PADI6: variants seen among roughly 807,000 people sequenced by gnomAD.
PADI6 encodes the protein peptidyl arginine deiminase 6.
In PADI6, 66 loss-of-function variants were observed where a neutral mutation model predicts 78.2. That is an observed-to-expected ratio of 0.84 (90% CI 0.69 to 1.04). PADI6 has a LOEUF of 1.04. PADI6 is among the 50% of genes least tolerant of loss of function. The probability of loss-of-function intolerance (pLI) is 0.00; values close to 1 mark genes in which losing one functional copy is unlikely to be tolerated. For synonymous variants in PADI6, 397 were observed against 346.9 expected, an observed-to-expected ratio of 1.14 and a Z score of -1.60; for missense variants, 854 against 866.1, an observed-to-expected ratio of 0.99 and a Z score of 0.18.
In PADI6 at chr1:17,372,276, T is replaced by A; in HGVS notation, c.31T>A (p.Phe11Ile). Residue 11 changes from phenylalanine (F) to isoleucine (I), a missense_variant, in exon 1 of 16, where the codon TTC becomes ATC. Phe to Ile is a conservative substitution (Grantham distance 21). Transcript: ENST00000619609. MVSVEGRAMS[F>I]QSIIHLSLDS... Reference sequence around the variant, plus strand: ...CAGCGTGGAGGGCCGAGCCATGTCCTTCCAGAGTATCATCCACCTGTCCCT... The same window carrying A: ...CAGCGTGGAGGGCCGAGCCATGTCCATCCAGAGTATCATCCACCTGTCCCT... 6.2e-7 allele frequency: 1 copy of A among 1,613,978 alleles called. No homozygotes were observed. The highest frequency in any genetic ancestry group is 8.5e-7 in the Non-Finnish European group (1 of 1,179,880).
chr1:17,395,674 T>C lies in PADI6; in HGVS notation c.1618+11T>C. The C allele has an allele frequency of 7.5e-6, 12 of 1,609,182 alleles. No individual in the cohort carries two copies. The highest frequency in any genetic ancestry group is 1.0e-5 in the Non-Finnish European group (12 of 1,177,044). ...AGCTCCTGTCTAATGGTAAGGGAAC[T>C]CCCTTTCCACAGAACAGAACTGGGG... On this transcript the variant is annotated intron_variant, in intron 13 of 15. Transcript: ENST00000619609.
At chr1:17,379,177 A>G (rs2075048444) in intron 3 of PADI6, among the ~76,000 whole-genome samples, 1 of 135,702 alleles carries the variant, frequency 7.4e-6, no homozygotes, top group Non-Finnish European at 1.5e-5. Context: ...CAGTGGCGCA[A>G]TCTCGGCTCA....
In PADI6 at chr1:17,388,503, G is replaced by T. The variant is rs772192343; in HGVS notation, c.802G>T (p.Glu268Ter). Residue 268 changes from glutamate to a stop codon, truncating the protein, a stop_gained, in exon 7 of 16, where the codon GAA becomes TAA. Coordinates refer to ENST00000619609, the MANE Select transcript of PADI6 (RefSeq NM_207421.4). LOFTEE classifies it high-confidence loss of function. ...TGAAGCTATAGCATTCCCATCTGCC[G>T]AATTCTCAGGCCTCATCTCCTACTC... ...YVEAIAFPSA[E>*]FSGLISYSVS... 12 of 1,613,532 alleles carry T rather than the reference G, an allele frequency of 7.4e-6. No individual in the cohort carries two copies. Among genetic ancestry groups the T allele is most frequent in the Non-Finnish European group, 1.0e-5 (12 of 1,179,584 alleles).
At chr1:17,387,458 A>AAG (rs1553153218) in intron 6 of PADI6, among the ~76,000 whole-genome samples, 3 of 138,292 alleles carry the variant, frequency 2.2e-5, no homozygotes, top group Admixed American at 7.3e-5. Flanking sequence ...AAAGAAAAGG[A>AAG]GGGGGGGGGG....
intron 14 of PADI6, among the ~76,000 whole-genome samples, chr1:17,398,138 G>A (rs1057098746): frequency 6.6e-6 from 1 of 152,136 alleles, no homozygotes; most frequent in Admixed American, 6.5e-5. Context: ...TCTCTCACTG[G>A]GTCCTTAACA....
chr1:17,385,366 C>G (rs1006897357), intron 6 of PADI6, among the ~76,000 whole-genome samples: 1 of 151,954 alleles, frequency 6.6e-6, no homozygotes, highest in African/African-American at 2.4e-5. Context: ...TGGGAGTGGA[C>G]AGTGTGTATA....
chr1:17,390,248 C>T (rs1216242034), intron 8 of PADI6, among the ~76,000 whole-genome samples: 1 of 151,954 alleles, frequency 6.6e-6, no homozygotes, highest in Non-Finnish European at 1.5e-5. Context: ...TTGCAGTGAG[C>T]TGAAATAGCC....
intron 3 of PADI6, 23 bp from the exon 4 acceptor site, chr1:17,379,897 G>T: frequency 6.2e-7 from 1 of 1,611,108 alleles, no homozygotes; most frequent in Non-Finnish European, 8.5e-7. Context: ...AGGTGGCTGG[G>T]ACACCCTTTT....
chr1:17,388,495 C>T lies in PADI6; in HGVS notation c.794C>T (p.Pro265Leu), dbSNP rs778776468. The change falls in exon 7 of 16, where the codon CCA (proline) becomes CTA (leucine). Residue 265 changes from proline to leucine, a missense_variant. Transcript: ENST00000619609. ...ETFYVEAIAF[P>L]SAEFSGLISY... Reference sequence around the variant, plus strand: ...TTCTACGTTGAAGCTATAGCATTCCCATCTGCCGAATTCTCAGGCCTCATC... The same window carrying T: ...TTCTACGTTGAAGCTATAGCATTCCTATCTGCCGAATTCTCAGGCCTCATC... 20 of 1,613,670 alleles carry T rather than the reference C, an allele frequency of 1.2e-5. No individual in the cohort carries two copies. Among genetic ancestry groups the T allele is most frequent in the Non-Finnish European group, 1.7e-5 (20 of 1,179,658 alleles).
chr1:17,378,050 C>G (rs946756910), intron 3 of PADI6, among the ~76,000 whole-genome samples: 2 of 152,146 alleles, frequency 1.3e-5, no homozygotes, highest in African/African-American at 4.8e-5. Flanking sequence ...TAACCCTTGG[C>G]CTTGCTGCCT....
Position 17,393,981 on chromosome 1 carries a change from A to T in PADI6, c.1081A>T (p.Met361Leu). ...GTCTTCCTCTCCATTCCAGGATGAG[A>T]TGGCCTTCTGCTACACCCAGGCTCC... Reference protein sequence around the residue: ...NRLGRWLQDEMAFCYTQAPHK... With the variant: ...NRLGRWLQDELAFCYTQAPHK... Residue 361 changes from methionine to leucine, a missense_variant, in exon 10 of 16, where the codon ATG becomes TTG. Met to Leu is a conservative substitution (Grantham distance 15, BLOSUM62 2). Transcript: ENST00000619609. The T allele has an allele frequency of 6.2e-7, 1 of 1,613,560 alleles. No homozygotes were observed. Among genetic ancestry groups the T allele is most frequent in the Non-Finnish European group, 8.5e-7 (1 of 1,179,602 alleles).
rs114967379 is a variant in PADI6 at position 17,380,840 on chromosome 1, C to T, written c.436-207C>T. 5.3e-4 allele frequency among the ~76,000 whole-genome samples: 81 copies of T among 152,214 alleles called. 1 individual carries two copies. The highest frequency in any genetic ancestry group is 1.9e-3 in the African/African-American group (77 of 41,528). On this transcript the variant is annotated intron_variant, in intron 4 of 15. Coordinates refer to ENST00000619609, the MANE Select transcript of PADI6 (RefSeq NM_207421.4). Reference sequence around the variant, plus strand: ...ATATGAGGTAAGTAACTGGTAACCCCGAACCTAGCTTCTTTCCCTTCCTCT... The same window carrying T: ...ATATGAGGTAAGTAACTGGTAACCCTGAACCTAGCTTCTTTCCCTTCCTCT...
Position 17,388,450 on chromosome 1 carries a change from G to T in PADI6, c.749G>T (p.Gly250Val). The T allele has an allele frequency of 6.2e-7, 1 of 1,613,784 alleles. No individual in the cohort carries two copies. Among genetic ancestry groups the T allele is most frequent in the Non-Finnish European group, 8.5e-7 (1 of 1,179,818 alleles). The change falls in exon 7 of 16, where the codon GGG (glycine) becomes GTG (valine). Residue 250 changes from glycine to valine, a missense_variant. Physicochemically the swap from Gly to Val is moderately radical, Grantham distance 109 (BLOSUM62 -3). Transcript: ENST00000619609. ...CACGCCTATACCTTGGCCCTCCTCG[G>T]GAACCACTTGAAGGAGACTTTCTAC... ...DQHAYTLALL[G>V]NHLKETFYVE...
chr1:17,401,552 C>G lies in PADI6; in HGVS notation c.*114C>G, dbSNP rs985163867. On this transcript the variant is annotated 3_prime_UTR_variant, in exon 16 of 16. Transcript: ENST00000619609. ...GCTGGAGAGTCCAGGCAACAGAACC[C>G]TTTCTTCCCTGTCTGCCCCGACCGA... 2.3e-5 allele frequency: 23 copies of G among 992,144 alleles called. No homozygotes were observed. The Admixed American group carries it at 5.4e-4, about 23-fold the overall frequency. The allele number at this position is 992,144 out of a possible 1,614,324, so 61.5% of individuals were successfully genotyped here.
chr1:17,396,656 G>GGGCATCCCTGTCCCAAAGATCA (rs1553154263), intron 13 of PADI6, among the ~76,000 whole-genome samples: 5 of 152,162 alleles, frequency 3.3e-5, no homozygotes, highest in South Asian at 2.1e-4. Flanking sequence ...CAAATAAATT[G>GGGCATCCCTGTCCCAAAGATCA]GGCATCCCTG....
Position 17,401,494 on chromosome 1 carries a change from T to C in PADI6, c.*56T>C. The C allele has an allele frequency of 7.0e-7, 1 of 1,437,192 alleles. No individual in the cohort carries two copies. The highest frequency in any genetic ancestry group is 9.7e-7 in the Non-Finnish European group (1 of 1,035,578). The allele number at this position is 1,437,192 out of a possible 1,614,324, so 89.0% of individuals were successfully genotyped here. A position where few individuals can be genotyped will look rare whatever the true frequency, so the allele number is the denominator to read the frequency against. On this transcript the variant is annotated 3_prime_UTR_variant, in exon 16 of 16. Coordinates refer to ENST00000619609, the MANE Select transcript of PADI6 (RefSeq NM_207421.4). ...CAGCGTGGATGGCCCACTGTCACCA[T>C]GCAACAGCATGATTCTTTGCCCAGT... is the stretch of plus-strand genomic sequence containing the variant.
At chr1:17,391,273 G>A (rs889988453) in intron 8 of PADI6, among the ~76,000 whole-genome samples, 4 of 152,158 alleles carry the variant, frequency 2.6e-5, no homozygotes, top group South Asian at 2.1e-4. Flanking sequence ...AGACTGGAGT[G>A]TAGTGGTGTG....
At chr1:17,382,334 A>ATG (rs1379885699) in intron 6 of PADI6, among the ~76,000 whole-genome samples, 13 of 152,154 alleles carry the variant, frequency 8.5e-5, no homozygotes, top group African/African-American at 3.1e-4. Context: ...CACTTGTAAA[A>ATG]TGGGGGTAGC....
intron 9 of PADI6, among the ~76,000 whole-genome samples, chr1:17,393,148 G>GA (rs892825281): frequency 1.3e-4 from 20 of 148,458 alleles, no homozygotes; most frequent in Non-Finnish European, 2.4e-4. Flanking sequence ...TGTCTCAAAA[G>GA]AAAAAAAAAA....
Sources: gnomAD v4.1 joint callset for allele counts (sites outside exome capture counted in the v4.1 genomes callset) on GRCh38, gnomAD v4.1.1 for gene constraint, MANE v1.5 for transcripts, NCBI Gene and HGNC (gene_info 2026-07-23, HGNC 2026-07-21) for gene names.